Variants in GLI3 observed in about 807,000 individuals in gnomAD.
The protein encoded by GLI3 is transcription activator GLI3.
A neutral mutation model predicts 100.8 loss-of-function variants in GLI3; 20 were observed. That is an observed-to-expected ratio of 0.20 (90% CI 0.14 to 0.29). The LOEUF is 0.29. Among genes scored for constraint, GLI3 ranks in the 10% least tolerant of loss-of-function variants. GLI3 has a pLI of 1.00. For synonymous variants in GLI3, 938 were observed against 860.5 expected (o/e 1.09, Z -1.58); for missense variants, 2,040 against 2,128.5 (o/e 0.96, Z 0.82).
At position 41,966,230 on chromosome 7, in the gene GLI3, A is replaced by G. The variant is rs1416273235; in HGVS notation, c.2843T>C (p.Met948Thr). Residue 948 changes from methionine to threonine, a missense_variant, in exon 15 of 15, where the codon ATG becomes ACG. Physicochemically the swap from Met to Thr is moderately conservative, Grantham distance 81. Transcript: ENST00000395925. This position sits in a 1 kb window ranked among gnomAD's most constrained non-coding sequence, Gnocchi z 5.8. ...GGPPPTPLPN[M>T]ERMSLKTRLA... ...GCGCGTCTTCAGGCTCATCCTCTCCATGTTGGGCAGGGGCGTCGGCGGCGG... is the reference window on the plus strand; with the variant it reads ...GCGCGTCTTCAGGCTCATCCTCTCCGTGTTGGGCAGGGGCGTCGGCGGCGG... 3.7e-6 allele frequency: 6 copies of G among 1,608,588 alleles called. No homozygotes were observed. Among genetic ancestry groups the G allele is most frequent in the South Asian group, 1.1e-5 (1 of 90,958 alleles).
At chr7:42,253,414 A>G (rs559256425) in intron 1 of GLI3, among the ~76,000 whole-genome samples, 1 of 152,252 alleles carries the variant, frequency 6.6e-6, no homozygotes, top group African/African-American at 2.4e-5. Flanking sequence ...ATGGGGATAC[A>G]CCCTTAGACC....
intron 3 of GLI3, 75 bp downstream of exon 3, chr7:42,148,151 A>G (rs1173911557): frequency 1.4e-6 from 2 of 1,397,232 alleles, no homozygotes; most frequent in Non-Finnish European, 1.9e-6. Context: ...ACACACACAC[A>G]CACACACACA....
intron 2 of GLI3, chr7:42,172,473 G>C (rs1787394124): frequency 1.5e-6 from 1 of 665,128 alleles, no homozygotes; most frequent in Non-Finnish European, 2.7e-6. Context: ...ACACTAAAAA[G>C]TGTAAATGAA....
chr7:42,183,663 G>A (rs1413193861), intron 2 of GLI3, among the ~76,000 whole-genome samples: 1 of 152,206 alleles, frequency 6.6e-6, no homozygotes, highest in African/African-American at 2.4e-5. Flanking sequence ...TAAAGAACAA[G>A]TAAGATGTCC....
chr7:42,136,375 A>G (rs758181065), intron 3 of GLI3, among the ~76,000 whole-genome samples: 1 of 152,228 alleles, frequency 6.6e-6, no homozygotes, highest in Non-Finnish European at 1.5e-5. Flanking sequence ...CACCATGAGC[A>G]GGCTGTATAA....
chr7:42,011,135 G>C (rs1788601380), intron 10 of GLI3, among the ~76,000 whole-genome samples: 1 of 152,148 alleles, frequency 6.6e-6, no homozygotes, highest in African/African-American at 2.4e-5. Flanking sequence ...TGTAGATGTG[G>C]CCACTGTAGA....
chr7:42,180,401 G>A (rs1787569144), intron 2 of GLI3, among the ~76,000 whole-genome samples: 1 of 152,254 alleles, frequency 6.6e-6, no homozygotes, highest in Admixed American at 6.5e-5. Flanking sequence ...CCCTGTGAAA[G>A]AGAGCTTACA....
intron 10 of GLI3, among the ~76,000 whole-genome samples, chr7:42,018,721 C>T (rs1450545369): frequency 6.6e-6 from 1 of 152,164 alleles, no homozygotes; most frequent in Non-Finnish European, 1.5e-5. Context: ...CTTCAGCATG[C>T]TTTTAGAGAT....
intron 2 of GLI3, chr7:42,152,415 G>C (rs892906371): frequency 1.0e-6 from 1 of 985,430 alleles, no homozygotes; most frequent in Non-Finnish European, 1.2e-6. Context: ...GCTCTCTCTA[G>C]CTGCGCAGAC....
intron 3 of GLI3, among the ~76,000 whole-genome samples, chr7:42,077,675 C>A (rs1784909900): frequency 6.6e-6 from 1 of 151,892 alleles, no homozygotes; most frequent in East Asian, 1.9e-4. Context: ...AATAGCTCTC[C>A]CACCCCCACT....
chr7:42,040,187 T>C lies in GLI3; in HGVS notation c.879A>G (p.Thr293=). Residue 293 remains threonine, a synonymous_variant, in exon 7 of 15, where the codon ACA becomes ACG. Transcript: ENST00000395925. ...GATCGGAGAGTGGTGATATGGACAG[T>C]GTACGTTTTCGGCTCGGCCTGGCTG... The part of the protein sequence containing the change: ...RLSARPSRKR[T]LSISPLSDHS... 6.2e-7 allele frequency: 1 copy of C among 1,613,994 alleles called. No homozygotes were observed. Among genetic ancestry groups the C allele is most frequent in the Non-Finnish European group, 8.5e-7 (1 of 1,179,904 alleles).
chr7:42,157,029 A>C (rs1240797964), intron 2 of GLI3, among the ~76,000 whole-genome samples: 2 of 152,206 alleles, frequency 1.3e-5, no homozygotes, highest in Non-Finnish European at 2.9e-5. Flanking sequence ...CCCTTGCAGG[A>C]ATCAGGCGCT....
Position 41,979,333 on chromosome 7 carries a change from T to C in GLI3, c.1498-585A>G, listed in dbSNP as rs79597216. The stretch of plus-strand genomic sequence containing the variant: ...TGAATAAGAATTGCAGAGAAAAGAA[T>C]TATACTGAGGAAGAGGACTGTGTGG... On this transcript the variant is annotated intron_variant, in intron 10 of 14. Transcript: ENST00000395925. Among the ~76,000 whole-genome samples, 308 of 152,348 alleles carry C rather than the reference T, an allele frequency of 2.0e-3. 2 individuals carry two copies. Among genetic ancestry groups the C allele is most frequent in the African/African-American group, 6.8e-3 (281 of 41,580 alleles).
At chr7:41,989,816 T>G (rs1787932304) in intron 10 of GLI3, among the ~76,000 whole-genome samples, 1 of 151,852 alleles carries the variant, frequency 6.6e-6, no homozygotes, top group Non-Finnish European at 1.5e-5. Context: ...GAGGATTGCT[T>G]GAGCCCAGGC....
chr7:42,240,296 A>G (rs893810738), upstream of GLI3, among the ~76,000 whole-genome samples: 1 of 152,234 alleles, frequency 6.6e-6, no homozygotes, highest in Non-Finnish European at 1.5e-5. Context: ...TTTAAGACAG[A>G]CTTTCTTTCT....
chr7:42,101,666 C>A (rs1017617673), intron 3 of GLI3, among the ~76,000 whole-genome samples: 16 of 93,986 alleles, frequency 1.7e-4, no homozygotes, highest in African/African-American at 1.1e-3. Context: ...TTGCTAGTAT[C>A]TTTTTATTTA....
At chr7:42,005,662 G>A (rs912359734) in intron 10 of GLI3, among the ~76,000 whole-genome samples, 8 of 152,260 alleles carry the variant, frequency 5.3e-5, no homozygotes, top group South Asian at 2.1e-4. Flanking sequence ...TTCAGACACC[G>A]ACCCATTGGG....
intron 3 of GLI3, among the ~76,000 whole-genome samples, chr7:42,078,777 T>C (rs947870574): frequency 7.0e-6 from 1 of 142,840 alleles, no homozygotes; most frequent in African/African-American, 2.6e-5. Context: ...TCACCCAGAC[T>C]GGAGTGCAGT....
chr7:42,025,143 A>G (rs1371950452), intron 9 of GLI3, 121 bp downstream of exon 9: 1 of 708,606 alleles, frequency 1.4e-6, no homozygotes, highest in Non-Finnish European at 2.6e-6. Flanking sequence ...AAGGTCAACA[A>G]TGCAGTGGAC....
Sources: allele counts gnomAD v4.1 joint callset (sites outside exome capture counted in the v4.1 genomes callset), GRCh38; gene constraint gnomAD v4.1.1; non-coding constraint Gnocchi (gnomAD v3.1); transcripts MANE v1.5; gene names NCBI Gene and HGNC (gene_info 2026-07-23, HGNC 2026-07-21).